Variants in TAFA1 observed in about 807,000 individuals in gnomAD.
The protein encoded by TAFA1 is TAFA chemokine like family member 1.
TAFA1 carries 4 observed loss-of-function variants against 18.5 expected under a neutral mutation model. The ratio of observed to expected loss-of-function variants is 0.22; its 90% CI spans 0.11 to 0.49. The LOEUF (loss-of-function observed/expected upper bound fraction) is 0.49, where lower values mean the gene tolerates loss of function less well. TAFA1 is among the 20% of genes least tolerant of loss of function. TAFA1 has a pLI of 0.98. For missense variants in TAFA1, 147 were observed against 169.0 expected, an observed-to-expected ratio of 0.87 and a Z score of 0.72; for synonymous variants, 56 against 55.2, an observed-to-expected ratio of 1.01 and a Z score of -0.06.
At chr3:68,487,669 G>A (rs934264933) in intron 3 of TAFA1, among the ~76,000 whole-genome samples, 2 of 150,932 alleles carry the variant, frequency 1.3e-5, no homozygotes, top group African/African-American at 4.9e-5. Flanking sequence ...GGAGAACGGT[G>A]TGAACCTGGG....
At chr3:68,523,520 T>G (rs566000751) in intron 3 of TAFA1, among the ~76,000 whole-genome samples, 1 of 152,286 alleles carries the variant, frequency 6.6e-6, no homozygotes, top group Non-Finnish European at 1.5e-5. Flanking sequence ...CAAGAAGCCA[T>G]GAAAAAATGC....
At chr3:68,271,754 A>G (rs2067675942) in intron 2 of TAFA1, among the ~76,000 whole-genome samples, 2 of 151,422 alleles carry the variant, frequency 1.3e-5, no homozygotes, top group Non-Finnish European at 2.9e-5. Flanking sequence ...ATCCACCTGT[A>G]TTTCATCTCC....
intron 2 of TAFA1, among the ~76,000 whole-genome samples, chr3:68,293,275 C>T (rs1037419797): frequency 6.6e-6 from 1 of 152,128 alleles, no homozygotes; most frequent in Non-Finnish European, 1.5e-5. Flanking sequence ...ACCCATGGAC[C>T]TCAGATTAAG....
At chr3:68,424,029 C>T (rs1316156408) in intron 3 of TAFA1, among the ~76,000 whole-genome samples, 2 of 152,030 alleles carry the variant, frequency 1.3e-5, no homozygotes, top group Non-Finnish European at 2.9e-5. Flanking sequence ...CATCAGAAAA[C>T]TTTCTTTCAC....
chr3:68,430,410 C>T (rs974937500), intron 3 of TAFA1, among the ~76,000 whole-genome samples: 3 of 151,910 alleles, frequency 2.0e-5, no homozygotes, highest in Non-Finnish European at 4.4e-5. Context: ...TACGGCCAAA[C>T]AAGAAGTAAC....
At chr3:68,239,045 T>C (rs1348563233) in intron 2 of TAFA1, among the ~76,000 whole-genome samples, 3 of 152,200 alleles carry the variant, frequency 2.0e-5, no homozygotes, top group African/African-American at 7.2e-5. Context: ...ATATCACTTT[T>C]TGAATATTAA....
At chr3:68,508,754 T>G (rs2072802539) in intron 3 of TAFA1, among the ~76,000 whole-genome samples, 2 of 151,992 alleles carry the variant, frequency 1.3e-5, no homozygotes, top group Admixed American at 1.3e-4. Context: ...TGAAAAAATA[T>G]AGTAGATTAA....
intron 2 of TAFA1, among the ~76,000 whole-genome samples, chr3:68,112,044 C>T (rs1030674944): frequency 6.6e-6 from 1 of 151,960 alleles, no homozygotes; most frequent in Admixed American, 6.6e-5. Context: ...CTGTCCATTG[C>T]ATCTTGGTAT....
the TAFA1 span, among the ~76,000 whole-genome samples, chr3:67,998,760 A>G: frequency 6.6e-6 from 1 of 152,346 alleles, no homozygotes; most frequent in Non-Finnish European, 1.5e-5. Flanking sequence ...GTTGGAAATA[A>G]GCTAGTTCTT....
At chr3:68,310,668 T>C (rs1432463071) in intron 2 of TAFA1, among the ~76,000 whole-genome samples, 1 of 152,200 alleles carries the variant, frequency 6.6e-6, no homozygotes, top group Admixed American at 6.5e-5. Flanking sequence ...TTTTAAAATT[T>C]AGTTCTGGAT....
intron 2 of TAFA1, among the ~76,000 whole-genome samples, chr3:68,407,997 C>G (rs561773432): frequency 1.3e-5 from 2 of 152,218 alleles, no homozygotes; most frequent in East Asian, 3.9e-4. Context: ...TCCATTGGGT[C>G]AATAAAGCAT....
intron 2 of TAFA1, among the ~76,000 whole-genome samples, chr3:68,326,531 C>T (rs1440450034): frequency 5.3e-5 from 8 of 152,198 alleles, no homozygotes; most frequent in Non-Finnish European, 1.2e-4. Context: ...CAATTCACCC[C>T]TTCTGCTGTC....
At chr3:68,413,168 T>A (rs1238266464) in intron 2 of TAFA1, among the ~76,000 whole-genome samples, 152 of 151,910 alleles carry the variant, frequency 1.0e-3, no homozygotes, top group Middle Eastern at 3.4e-3. Context: ...GGCTACATAA[T>A]TGTCTTCTTT....
intron 2 of TAFA1, among the ~76,000 whole-genome samples, chr3:68,223,943 A>G (rs909401540): frequency 6.6e-6 from 1 of 151,322 alleles, no homozygotes; most frequent in African/African-American, 2.4e-5. Flanking sequence ...AAGTATATGA[A>G]TTTGACTAAA....
intron 2 of TAFA1, among the ~76,000 whole-genome samples, chr3:68,223,740 A>G (rs544549528): frequency 1.3e-5 from 2 of 152,240 alleles, no homozygotes; most frequent in African/African-American, 4.8e-5. Flanking sequence ...AGTAGTGGCT[A>G]TGTATTCAGG....
rs199911870 is a variant in TAFA1, at chr3:68,405,437, TG to T, written c.119-11840del. Among the ~76,000 whole-genome samples the T allele has an allele frequency of 9.9e-3, 1,496 of 151,628 alleles. 29 individuals are homozygous for T. The highest frequency in any genetic ancestry group is 0.034 in the African/African-American group (1,422 of 41,380). Reference sequence around the variant, plus strand: ...CTGAGGTGGGAGGATCACATGAGAATGGGAGGATTGCTTGAACCTAGGAGAT... The same window carrying T: ...CTGAGGTGGGAGGATCACATGAGAATGGAGGATTGCTTGAACCTAGGAGAT... On this transcript the variant is annotated intron_variant, in intron 2 of 4. Transcript: ENST00000478136.
intron 2 of TAFA1, among the ~76,000 whole-genome samples, chr3:68,368,084 T>A (rs1256023498): frequency 6.6e-6 from 1 of 152,172 alleles, no homozygotes; most frequent in Non-Finnish European, 1.5e-5. Context: ...TACGTGTAAA[T>A]ATACATGTAA....
chr3:68,266,666 C>T (rs1000496151), intron 2 of TAFA1, among the ~76,000 whole-genome samples: 1 of 152,004 alleles, frequency 6.6e-6, no homozygotes, highest in Non-Finnish European at 1.5e-5. Context: ...TTGCAGGAGA[C>T]ACATAATAAA....
At chr3:68,400,965 C>A (rs979533955) in intron 2 of TAFA1, among the ~76,000 whole-genome samples, 1 of 152,092 alleles carries the variant, frequency 6.6e-6, no homozygotes, top group Admixed American at 6.6e-5. Context: ...ACTGTTCTAG[C>A]CATATAGAAA....
Sources: allele counts gnomAD v4.1 joint callset (sites outside exome capture counted in the v4.1 genomes callset), GRCh38; gene constraint gnomAD v4.1.1; transcripts MANE v1.5; gene names NCBI Gene and HGNC (gene_info 2026-07-23, HGNC 2026-07-21).